MDGA2: variants seen among roughly 807,000 people sequenced by gnomAD.
MDGA2 encodes MAM domain-containing glycosylphosphatidylinositol anchor protein 2.
MDGA2 carries 40 observed loss-of-function variants against 117.8 expected under a neutral mutation model. The ratio of observed to expected loss-of-function variants is 0.34; its 90% CI spans 0.26 to 0.44. The LOEUF is 0.44. Ranked by LOEUF, MDGA2 falls within the 20% of genes least tolerant of loss-of-function variation. MDGA2 has a pLI of 1.00. For synonymous variants in MDGA2, 452 were observed against 439.0 expected, an observed-to-expected ratio of 1.03 and a Z score of -0.37; for missense variants, 1,123 against 1,250.6, an observed-to-expected ratio of 0.90 and a Z score of 1.54.
intron 1 of MDGA2, among the ~76,000 whole-genome samples, chr14:47,582,695 C>T (rs1278613381): frequency 6.6e-6 from 1 of 151,840 alleles, no homozygotes; most frequent in Non-Finnish European, 1.5e-5. Context: ...CGATGCTAGG[C>T]TTGTGCTACA....
At chr14:47,524,814 G>A (rs887915412) in intron 1 of MDGA2, among the ~76,000 whole-genome samples, 2 of 152,122 alleles carry the variant, frequency 1.3e-5, no homozygotes, top group Non-Finnish European at 2.9e-5. Flanking sequence ...TCCATGAGGT[G>A]GGTCTTCAGT....
chr14:47,540,149 G>C (rs1353514931), intron 1 of MDGA2, among the ~76,000 whole-genome samples: 1 of 152,144 alleles, frequency 6.6e-6, no homozygotes, highest in Non-Finnish European at 1.5e-5. Context: ...GAGTAGCTGG[G>C]ACTACAGGCG....
intron 1 of MDGA2, among the ~76,000 whole-genome samples, chr14:47,521,206 T>C (rs1041644045): frequency 2.6e-5 from 4 of 152,180 alleles, no homozygotes; most frequent in African/African-American, 9.7e-5. Flanking sequence ...TGTAATTTTT[T>C]ATATTCAATT....
intron 6 of MDGA2, among the ~76,000 whole-genome samples, chr14:47,073,318 A>G (rs927753968): frequency 3.3e-5 from 5 of 152,214 alleles, no homozygotes; most frequent in Admixed American, 3.3e-4. Flanking sequence ...CTGAGGTCAG[A>G]CTGCCTGGTT....
At chr14:47,387,721 A>G (rs1891793717) in intron 1 of MDGA2, among the ~76,000 whole-genome samples, 1 of 152,180 alleles carries the variant, frequency 6.6e-6, no homozygotes, top group Non-Finnish European at 1.5e-5. Context: ...TTAAATATCC[A>G]TGTGTCAGGA....
At chr14:47,445,710 T>C (rs967207456) in intron 1 of MDGA2, among the ~76,000 whole-genome samples, 8 of 151,920 alleles carry the variant, frequency 5.3e-5, no homozygotes, top group Admixed American at 2.6e-4. Context: ...TAAGAAATAG[T>C]GACAATAAGA....
chr14:47,348,091 T>C (rs1890796810), intron 1 of MDGA2, among the ~76,000 whole-genome samples: 1 of 151,996 alleles, frequency 6.6e-6, no homozygotes, highest in Admixed American at 6.6e-5. Context: ...TTAGCTGCAG[T>C]AGCTGGAGGA....
chr14:47,082,006 G>A (rs1055539785), intron 6 of MDGA2, among the ~76,000 whole-genome samples: 1 of 152,034 alleles, frequency 6.6e-6, no homozygotes, highest in Non-Finnish European at 1.5e-5. Flanking sequence ...GTTTAAGGGA[G>A]TATCAAATTT....
At chr14:47,176,602 A>C (rs1490302829) in intron 3 of MDGA2, among the ~76,000 whole-genome samples, 3 of 152,240 alleles carry the variant, frequency 2.0e-5, no homozygotes, top group African/African-American at 7.2e-5. Flanking sequence ...GGCCATATGT[A>C]GAAAGCTGAA....
At chr14:47,047,759 T>C (rs1889315713) in intron 7 of MDGA2, among the ~76,000 whole-genome samples, 1 of 151,998 alleles carries the variant, frequency 6.6e-6, no homozygotes, top group African/African-American at 2.4e-5. Context: ...TTATGATGTC[T>C]CGAGTACTGA....
intron 8 of MDGA2, among the ~76,000 whole-genome samples, chr14:47,017,165 G>A (rs536730964): frequency 2.0e-5 from 3 of 151,464 alleles, no homozygotes; most frequent in South Asian, 4.2e-4. Flanking sequence ...CTTATCAAAG[G>A]AAAACATTTT....
rs564839691 is a variant in MDGA2, at chr14:47,187,644, T to G, written c.595+30377A>C. ...TTCTGCTATTAATAGATATGTTGAT[T>G]GTTTCCTCTTTAAAAGTTTTGGATT... On this transcript the variant is annotated intron_variant, in intron 3 of 16. Transcript: ENST00000399232. 1.6e-3 allele frequency among the ~76,000 whole-genome samples: 245 copies of G among 152,276 alleles called. 1 individual carries two copies. The highest frequency in any genetic ancestry group is 5.7e-3 in the African/African-American group (237 of 41,568).
rs149294618 is a variant in MDGA2, at chr14:47,441,082, C to A, written c.281-139532G>T. 6.9e-4 allele frequency among the ~76,000 whole-genome samples: 105 copies of A among 152,150 alleles called. 1 individual carries two copies. The highest frequency in any genetic ancestry group is 2.3e-3 in the African/African-American group (97 of 41,532). ...TACATGCCACAAATAGAATGATAAACACAAGTCTATGGGAGCCAAAAGGTG... is the reference window on the plus strand; with the variant it reads ...TACATGCCACAAATAGAATGATAAAAACAAGTCTATGGGAGCCAAAAGGTG... On this transcript the variant is annotated intron_variant, in intron 1 of 16. Transcript: ENST00000399232.
At chr14:47,334,200 A>C (rs1366991923) in intron 1 of MDGA2, among the ~76,000 whole-genome samples, 1 of 151,838 alleles carries the variant, frequency 6.6e-6, no homozygotes, top group Non-Finnish European at 1.5e-5. Flanking sequence ...AAAAGCAAAA[A>C]TTAAAAAAAA....
At chr14:47,304,591 G>A (rs1201106205) in intron 1 of MDGA2, among the ~76,000 whole-genome samples, 2 of 152,050 alleles carry the variant, frequency 1.3e-5, no homozygotes, top group African/African-American at 4.8e-5. Context: ...CCTACCTCCA[G>A]TACCTGCCAA....
At chr14:47,214,434 T>C (rs1886010912) in intron 3 of MDGA2, among the ~76,000 whole-genome samples, 1 of 152,176 alleles carries the variant, frequency 6.6e-6, no homozygotes, top group Non-Finnish European at 1.5e-5. Context: ...TTATAGGTCC[T>C]ATAAATTGAG....
chr14:47,369,871 TTTTAATAGG>T (rs1458066766), intron 1 of MDGA2, among the ~76,000 whole-genome samples: 1 of 152,028 alleles, frequency 6.6e-6, no homozygotes, highest in Non-Finnish European at 1.5e-5. Flanking sequence ...GGCACTTAGT[TTTTAATAGG>T]TTTATAATAT....
chr14:47,462,727 T>A (rs764037964), intron 1 of MDGA2, among the ~76,000 whole-genome samples: 5 of 151,844 alleles, frequency 3.3e-5, no homozygotes, highest in Non-Finnish European at 7.4e-5. Flanking sequence ...ATGCGAACAA[T>A]GAAGCATTTT....
intron 10 of MDGA2, among the ~76,000 whole-genome samples, chr14:46,904,712 C>G (rs1883423493): frequency 6.6e-6 from 1 of 152,134 alleles, no homozygotes; most frequent in African/African-American, 2.4e-5. Context: ...GTGTTCATAG[C>G]TACATGTTTA....
Sources: gnomAD v4.1 joint callset for allele counts (sites outside exome capture counted in the v4.1 genomes callset) on GRCh38, gnomAD v4.1.1 for gene constraint, MANE v1.5 for transcripts, NCBI Gene and HGNC (gene_info 2026-07-23, HGNC 2026-07-21) for gene names.